NPSR1: variants seen among roughly 807,000 people sequenced by gnomAD.
The protein encoded by NPSR1 is neuropeptide S receptor.
Under a neutral mutation model 46.9 loss-of-function variants are expected in NPSR1, and 48 were observed. The observed-to-expected ratio is 1.02, with a 90% CI of 0.81 to 1.30. NPSR1 has a LOEUF of 1.30. NPSR1 is among the 50% of genes most tolerant of loss of function. The probability of loss-of-function intolerance (pLI) is 0.00; values close to 1 mark genes in which losing one functional copy is unlikely to be tolerated. For synonymous variants in NPSR1, 176 were observed against 168.1 expected (o/e 1.05, Z -0.36); for missense variants, 450 against 449.5 (o/e 1.00, Z -0.01).
At chr7:34,758,450 A>T (rs1022396556) in intron 2 of NPSR1, among the ~76,000 whole-genome samples, 2 of 152,232 alleles carry the variant, frequency 1.3e-5, no homozygotes, top group Admixed American at 1.3e-4. Flanking sequence ...ACTTCTCAAT[A>T]TAACAGCAGC....
intron 2 of NPSR1, among the ~76,000 whole-genome samples, chr7:34,732,966 G>T (rs324395): frequency 6.6e-6 from 1 of 152,188 alleles, no homozygotes; most frequent in African/African-American, 2.4e-5. Context: ...ACATCTAAAA[G>T]TTTGCATGTG....
chr7:34,809,728 G>T (rs1788892970), intron 3 of NPSR1, among the ~76,000 whole-genome samples: 1 of 152,192 alleles, frequency 6.6e-6, no homozygotes, highest in East Asian at 1.9e-4. Flanking sequence ...CTCCCAAAGT[G>T]CTGGGATTAA....
chr7:34,790,862 A>G (rs1299010701), intron 3 of NPSR1, among the ~76,000 whole-genome samples: 2 of 132,670 alleles, frequency 1.5e-5, no homozygotes, highest in Non-Finnish European at 3.1e-5. Context: ...ATGTTATGTT[A>G]TATATGTTAT....
Position 34,684,703 on chromosome 7 carries a change from G to A in NPSR1, c.280+19G>A. 1 of 1,591,232 alleles carries A rather than the reference G, an allele frequency of 6.3e-7. No individual in the cohort carries two copies. The highest frequency in any genetic ancestry group is 8.6e-7 in the Non-Finnish European group (1 of 1,169,088). ...ATCACAGGTAAGTAACTATGCAAGT[G>A]AGAGGCAGGAAGCTATATGTGAAGT... On this transcript the variant is annotated intron_variant, in intron 2 of 8. Transcript: ENST00000360581.
intron 6 of NPSR1, among the ~76,000 whole-genome samples, chr7:34,844,080 G>A (rs1790664600): frequency 6.6e-6 from 1 of 152,242 alleles, no homozygotes; most frequent in African/African-American, 2.4e-5. Context: ...ACTCTTCCAT[G>A]AGGAAAGGGA....
intron 2 of NPSR1, among the ~76,000 whole-genome samples, chr7:34,758,494 C>T (rs536923104): frequency 2.0e-5 from 3 of 152,312 alleles, no homozygotes; most frequent in South Asian, 2.1e-4. Flanking sequence ...TCTTCAGTAC[C>T]GTGCAGAGGT....
chr7:34,712,738 G>A (rs956125125), intron 2 of NPSR1, among the ~76,000 whole-genome samples: 1 of 152,150 alleles, frequency 6.6e-6, no homozygotes, highest in Admixed American at 6.5e-5. Context: ...GGTTTAAAAA[G>A]GCTACTTAAT....
intron 3 of NPSR1, among the ~76,000 whole-genome samples, chr7:34,792,546 CACAT>C (rs1310881339): frequency 4.4e-4 from 57 of 129,298 alleles, no homozygotes; most frequent in African/African-American, 1.7e-3. Context: ...TATACACACA[CACAT>C]ATATATGTAC....
At chr7:34,823,417 C>CAAAAA (rs79081202) in intron 4 of NPSR1, among the ~76,000 whole-genome samples, 2 of 103,954 alleles carry the variant, frequency 1.9e-5, no homozygotes, top group Non-Finnish European at 3.7e-5. Flanking sequence ...AAAAAAAAAA[C>CAAAAA]AACACCATAA....
chr7:34,692,233 A>G (rs1357438723), intron 2 of NPSR1, among the ~76,000 whole-genome samples: 5 of 152,206 alleles, frequency 3.3e-5, no homozygotes, highest in Admixed American at 2.6e-4. Flanking sequence ...ATTTCATTTA[A>G]TAACTGTAAA....
chr7:34,790,683 T>C (rs918520518), intron 3 of NPSR1, among the ~76,000 whole-genome samples: 6 of 141,308 alleles, frequency 4.2e-5, no homozygotes, highest in Non-Finnish European at 9.0e-5. Flanking sequence ...ATATGTTCTA[T>C]GTTATATATA....
At chr7:34,713,941 CA>C (rs1324007202) in intron 2 of NPSR1, among the ~76,000 whole-genome samples, 6 of 152,250 alleles carry the variant, frequency 3.9e-5, no homozygotes, top group Non-Finnish European at 4.4e-5. Flanking sequence ...TGCTGTGTAA[CA>C]AACCATCCCA....
intron 2 of NPSR1, among the ~76,000 whole-genome samples, chr7:34,747,190 T>C (rs1459630550): frequency 6.7e-6 from 1 of 149,144 alleles, no homozygotes; most frequent in Non-Finnish European, 1.5e-5. Context: ...AGGCAGACAC[T>C]GAAGAGGATT....
chr7:34,725,178 A>T (rs1025131486), intron 2 of NPSR1, among the ~76,000 whole-genome samples: 1 of 152,090 alleles, frequency 6.6e-6, no homozygotes, highest in South Asian at 2.1e-4. Context: ...CTGCTGCCAG[A>T]GGGTGAATGC....
chr7:34,806,146 T>C (rs1022914970), intron 3 of NPSR1, among the ~76,000 whole-genome samples: 2 of 152,086 alleles, frequency 1.3e-5, no homozygotes, highest in African/African-American at 4.8e-5. Context: ...CTAAGCATGG[T>C]CTTACCATAC....
chr7:34,680,721 C>T (rs531490104), intron 1 of NPSR1, among the ~76,000 whole-genome samples: 2 of 152,152 alleles, frequency 1.3e-5, no homozygotes, highest in East Asian at 1.9e-4. Context: ...ATCACAAGAA[C>T]GAATATTGCA....
intron 2 of NPSR1, among the ~76,000 whole-genome samples, chr7:34,693,712 G>A (rs943381359): frequency 7.2e-5 from 11 of 152,112 alleles, no homozygotes; most frequent in African/African-American, 2.7e-4. Context: ...CCCACTACAG[G>A]CCAATAACCC....
chr7:34,844,836 GA>G, intron 6 of NPSR1, 59 bp from the exon 7 acceptor site: 2 of 1,074,474 alleles, frequency 1.9e-6, no homozygotes, highest in East Asian at 4.7e-5. Context: ...CCTATTGGCT[GA>G]AACAGAAACT....
At chr7:34,702,962 T>G (rs1230724456) in intron 2 of NPSR1, among the ~76,000 whole-genome samples, 1 of 152,230 alleles carries the variant, frequency 6.6e-6, no homozygotes, top group Non-Finnish European at 1.5e-5. Flanking sequence ...AAAACCCTAG[T>G]TGACTTGCAG....
Sources: gnomAD v4.1 joint callset for allele counts (sites outside exome capture counted in the v4.1 genomes callset) on GRCh38, gnomAD v4.1.1 for gene constraint, MANE v1.5 for transcripts, NCBI Gene and HGNC (gene_info 2026-07-23, HGNC 2026-07-21) for gene names.